The following ZFP64 variants were observed in gnomAD, a reference collection of about 807,000 sequenced individuals.
The protein encoded by ZFP64 is zinc finger protein 64.
Under a neutral mutation model 51.6 loss-of-function variants are expected in ZFP64, and 14 were observed. The observed-to-expected ratio is 0.27, with a 90% CI of 0.18 to 0.42. ZFP64 has a LOEUF of 0.42. Ranked by LOEUF, ZFP64 falls within the 10% of genes least tolerant of loss-of-function variation. ZFP64 has a pLI of 1.00. For synonymous variants in ZFP64, 375 were observed against 361.4 expected, an observed-to-expected ratio of 1.04 and a Z score of -0.43; for missense variants, 754 against 906.8, an observed-to-expected ratio of 0.83 and a Z score of 2.16.
intron 5 of ZFP64, chr20:52,105,153 G>GGGCCACCTCCGC: frequency 3.5e-6 from 5 of 1,447,260 alleles, no homozygotes; most frequent in Non-Finnish European, 4.5e-6. Flanking sequence ...GCCACCTGCG[G>GGGCCACCTCCGC]GGCCACCTCC....
At chr20:52,114,607 C>T (rs143088727) in intron 5 of ZFP64, among the ~76,000 whole-genome samples, 14 of 152,316 alleles carry the variant, frequency 9.2e-5, no homozygotes, top group African/African-American at 3.4e-4. Context: ...AGAACATCTA[C>T]TGTTAGGAAG....
rs776331231 is a variant in ZFP64 at position 52,152,647 on chromosome 20, G to T, written c.1545C>A (p.Ala515=). The change falls in exon 6 of 6, where the codon GCC becomes GCA. Residue 515 remains alanine (A), a synonymous_variant. Coordinates refer to ENST00000216923, the MANE Select transcript of ZFP64 (RefSeq NM_018197.3). ...VPQANTIVQA[A]AAAVNIVPPA... ...GCGGGACGATGTTCACTGCAGCGGC[G>T]GCAGCCTGGACGATGGTGTTCGCCT... is the stretch of plus-strand genomic sequence containing the variant. The T allele has an allele frequency of 5.2e-6, 8 of 1,532,646 alleles. No homozygotes were observed. The highest frequency in any genetic ancestry group is 6.1e-6 in the Non-Finnish European group (7 of 1,143,794). 94.9% of individuals were successfully genotyped at this position (1,532,646 alleles called of 1,614,324 possible). A position where few individuals can be genotyped will look rare whatever the true frequency, so the allele number is the denominator to read the frequency against.
intron 5 of ZFP64, among the ~76,000 whole-genome samples, chr20:52,123,914 G>C (rs1479605440): frequency 6.6e-6 from 1 of 151,934 alleles, no homozygotes; most frequent in African/African-American, 2.4e-5. Flanking sequence ...CTGTCACCCA[G>C]GCTCAAGTGC....
intron 5 of ZFP64, among the ~76,000 whole-genome samples, chr20:52,138,841 C>T (rs993087546): frequency 5.3e-5 from 8 of 152,046 alleles, no homozygotes; most frequent in Non-Finnish European, 1.0e-4. Flanking sequence ...TAATAGTCAC[C>T]AAATACGTAC....
chr20:52,098,737 C>T (rs1313730721), intron 5 of ZFP64: 22 of 1,005,074 alleles, frequency 2.2e-5, no homozygotes, highest in Admixed American at 7.7e-5. Context: ...GGCGGGGTGG[C>T]TCATGCCTGT....
intron 5 of ZFP64, chr20:52,098,641 G>C: frequency 1.2e-6 from 2 of 1,609,100 alleles, no homozygotes; most frequent in Non-Finnish European, 1.7e-6. Flanking sequence ...ACCATGCTAA[G>C]TCTTAGAATA....
intron 5 of ZFP64, among the ~76,000 whole-genome samples, chr20:52,144,596 A>AAAAAAAAAAAAAAAAAAAAAAAAAAAAC (rs1980429339): frequency 6.7e-6 from 1 of 148,980 alleles, no homozygotes; most frequent in Non-Finnish European, 1.5e-5. Flanking sequence ...AAAAAAAAAA[A>AAAAAAAAAAAAAAAAAAAAAAAAAAAAC]AAAAAATGCT....
chr20:52,116,013 T>A (rs1389280683), intron 5 of ZFP64, among the ~76,000 whole-genome samples: 1 of 151,860 alleles, frequency 6.6e-6, no homozygotes, highest in Non-Finnish European at 1.5e-5. Context: ...ATTGTATTTT[T>A]AGTAGAGACA....
intron 5 of ZFP64, among the ~76,000 whole-genome samples, chr20:52,144,478 G>T (rs570315340): frequency 2.0e-5 from 3 of 150,114 alleles, no homozygotes; most frequent in Non-Finnish European, 4.4e-5. Flanking sequence ...TATTCGGGAG[G>T]CTGAGGCAGG....
At chr20:52,190,016 A>T (rs1427816848) in intron 1 of ZFP64, among the ~76,000 whole-genome samples, 1 of 152,200 alleles carries the variant, frequency 6.6e-6, no homozygotes, top group African/African-American at 2.4e-5. Flanking sequence ...AGATATTTAC[A>T]TTATGTCCAA....
At chr20:52,144,463 C>T (rs924274082) in intron 5 of ZFP64, among the ~76,000 whole-genome samples, 5 of 149,764 alleles carry the variant, frequency 3.3e-5, no homozygotes, top group Non-Finnish European at 5.9e-5. Context: ...ACCTGTAGTC[C>T]CAGCTATTCG....
chr20:52,088,717 G>A, intron 7 of ZFP64: 5 of 1,601,660 alleles, frequency 3.1e-6, no homozygotes, highest in Non-Finnish European at 4.3e-6. Context: ...CAAGATGATA[G>A]CCTGGGCATA....
Position 52,167,727 on chromosome 20 carries a change from G to T in ZFP64, c.287-1702C>A, listed in dbSNP as rs202155833. Among the ~76,000 whole-genome samples the T allele has an allele frequency of 1.3e-3, 195 of 152,274 alleles. 3 individuals are homozygous for T. Among genetic ancestry groups the T allele is most frequent in the Non-Finnish European group, 2.0e-3 (137 of 68,028 alleles). ...GCTAAGAGGCCCTAATGATGATTTT[G>T]AGAGCCGCTGTAATATTCTGTTTCC... is the stretch of plus-strand genomic sequence containing the variant. On this transcript the variant is annotated intron_variant, in intron 2 of 5. Transcript: ENST00000216923.
rs1485895964 is a variant in ZFP64, at chr20:52,160,674, T to C, written c.512-300A>G. ...TTTAAAGTATAGGTACGTAAAATAG[T>C]AACAGTTTTGTTAATTTTCCCTTGT... On this transcript the variant is annotated intron_variant, in intron 4 of 5. Transcript: ENST00000216923. This position sits in a 1 kb window ranked among gnomAD's most constrained non-coding sequence, Gnocchi z 4.2. 1.3e-5 allele frequency among the ~76,000 whole-genome samples: 2 copies of C among 152,224 alleles called. No individual in the cohort carries two copies. Among genetic ancestry groups the C allele is most frequent in the African/African-American group, 4.8e-5 (2 of 41,462 alleles).
rs543748009 is a variant in ZFP64 at position 52,169,844 on chromosome 20, G to A, written c.287-3819C>T. Among the ~76,000 whole-genome samples the A allele has an allele frequency of 4.0e-5, 6 of 151,446 alleles. No individual in the cohort carries two copies. The East Asian group carries it at 5.9e-4, about 15-fold the overall frequency. ...CGAGGCAGGCGGATCACCCGAGGTC[G>A]GGAGTTTGAGACCAGCCTGACTAAC... On this transcript the variant is annotated intron_variant, in intron 2 of 5. Transcript: ENST00000216923.
intron 5 of ZFP64, among the ~76,000 whole-genome samples, chr20:52,103,250 G>A (rs1471669594): frequency 6.6e-6 from 1 of 152,168 alleles, no homozygotes; most frequent in Non-Finnish European, 1.5e-5. Flanking sequence ...TCATTTTACT[G>A]GTGGTGACAG....
chr20:52,099,456 A>G (rs1406777865), intron 5 of ZFP64, among the ~76,000 whole-genome samples: 1 of 152,224 alleles, frequency 6.6e-6, no homozygotes, highest in Non-Finnish European at 1.5e-5. Context: ...AAGAAGAAAG[A>G]TGGAAGAGGA....
chr20:52,149,514 C>T (rs958743261), downstream of ZFP64, among the ~76,000 whole-genome samples: 62 of 152,102 alleles, frequency 4.1e-4, no homozygotes, highest in Non-Finnish European at 2.9e-5. Context: ...TACTATAGAA[C>T]TAGGAAAAAC....
At chr20:52,111,629 C>T (rs189293654) in intron 5 of ZFP64, among the ~76,000 whole-genome samples, 273 of 152,128 alleles carry the variant, frequency 1.8e-3, no homozygotes, top group African/African-American at 6.5e-3. Flanking sequence ...CTGTAATTCT[C>T]GCAACTCTTA....
Sources: allele counts gnomAD v4.1 joint callset (sites outside exome capture counted in the v4.1 genomes callset), GRCh38; gene constraint gnomAD v4.1.1; non-coding constraint Gnocchi (gnomAD v3.1); transcripts MANE v1.5; gene names NCBI Gene and HGNC (gene_info 2026-07-23, HGNC 2026-07-21).